Variants in NINJ2 observed in about 807,000 individuals in gnomAD.
NINJ2 encodes the protein ninjurin-2.
NINJ2 carries 12 observed loss-of-function variants against 11.7 expected under a neutral mutation model. The ratio of observed to expected loss-of-function variants is 1.02; its 90% CI spans 0.66 to 1.66. The LOEUF is 1.66. Among genes scored for constraint, NINJ2 ranks in the 40% most tolerant of loss-of-function variants. The probability of loss-of-function intolerance (pLI) is 0.00; values close to 1 mark genes in which losing one functional copy is unlikely to be tolerated. For synonymous variants in NINJ2, 93 were observed against 76.8 expected, an observed-to-expected ratio of 1.21 and a Z score of -1.10; for missense variants, 187 against 181.8, an observed-to-expected ratio of 1.03 and a Z score of -0.16.
chr12:657,223 G>A (rs960543435), intron 1 of NINJ2, among the ~76,000 whole-genome samples: 3 of 152,214 alleles, frequency 2.0e-5, no homozygotes, highest in Admixed American at 6.5e-5. Context: ...CAGACTGGGA[G>A]AAAATATCTG....
chr12:625,185 T>A (rs1280022992), intron 1 of NINJ2, among the ~76,000 whole-genome samples: 1 of 152,006 alleles, frequency 6.6e-6, no homozygotes, highest in Non-Finnish European at 1.5e-5. Context: ...CAAGTGATAT[T>A]TAAGCTGGAC....
In NINJ2 at chr12:633,462, T is replaced by G. The variant is rs926965185; in HGVS notation, c.33+29866A>C. Among the ~76,000 whole-genome samples the G allele has an allele frequency of 1.3e-5, 2 of 151,788 alleles. No individual in the cohort carries two copies. Among genetic ancestry groups the G allele is most frequent in the Admixed American group, 1.3e-4 (2 of 15,256 alleles). On this transcript the variant is annotated intron_variant, in intron 1 of 3. Coordinates refer to ENST00000305108, the MANE Select transcript of NINJ2 (RefSeq NM_016533.6). The surrounding 1 kb of genome is among the most constrained non-coding windows in gnomAD (Gnocchi z 4.3). Reference sequence around the variant, plus strand: ...CTGCAGTGAGCCGAGATGGTGCCACTGCATTCCAGCCTGGGCAACAGAAAG... The same window carrying G: ...CTGCAGTGAGCCGAGATGGTGCCACGGCATTCCAGCCTGGGCAACAGAAAG...
chr12:602,441 ATGC>A (rs1178318609), intron 1 of NINJ2, among the ~76,000 whole-genome samples: 1 of 152,242 alleles, frequency 6.6e-6, no homozygotes, highest in Non-Finnish European at 1.5e-5. Context: ...AAGTTCATTC[ATGC>A]TGTAGCATGT....
chr12:582,860 G>A (rs2535432), intron 1 of NINJ2, among the ~76,000 whole-genome samples: 7,530 of 21,172 alleles, frequency 0.36, 2,098 homozygotes, highest in African/African-American at 0.49. Flanking sequence ...CAGGCATGCT[G>A]GTGTGAATGA....
intron 1 of NINJ2, among the ~76,000 whole-genome samples, chr12:649,519 GTGTGTATA>G (rs1370104986): frequency 1.8e-5 from 1 of 54,614 alleles, no homozygotes; most frequent in African/African-American, 4.8e-5. Flanking sequence ...GAATATGTGT[GTGTGTATA>G]TGTGTATATA....
At chr12:613,132 G>A (rs1411636275) in intron 1 of NINJ2, among the ~76,000 whole-genome samples, 2 of 152,180 alleles carry the variant, frequency 1.3e-5, no homozygotes, top group African/African-American at 4.8e-5. Flanking sequence ...TGCCATCCCT[G>A]GCTGGCCCAA....
intron 1 of NINJ2, among the ~76,000 whole-genome samples, chr12:650,845 A>T (rs1425561174): frequency 6.6e-6 from 1 of 152,210 alleles, no homozygotes; most frequent in Non-Finnish European, 1.5e-5. Flanking sequence ...AAAGCTGAAG[A>T]AACGGAAAAA....
chr12:649,190 G>T (rs1297052764), intron 1 of NINJ2, among the ~76,000 whole-genome samples: 1 of 152,064 alleles, frequency 6.6e-6, no homozygotes, highest in African/African-American at 2.4e-5. Flanking sequence ...GGGATTACAG[G>T]CATGCGCCAC....
intron 1 of NINJ2, among the ~76,000 whole-genome samples, chr12:648,624 T>G (rs1473459211): frequency 2.0e-5 from 3 of 152,170 alleles, no homozygotes; most frequent in Admixed American, 6.5e-5. Flanking sequence ...GGACAAGGAA[T>G]AAAACATTTG....
At chr12:615,376 G>T (rs1948079614) in intron 1 of NINJ2, among the ~76,000 whole-genome samples, 1 of 152,088 alleles carries the variant, frequency 6.6e-6, no homozygotes, top group Non-Finnish European at 1.5e-5. Context: ...ATCACCTGAG[G>T]TCAGGAGTTC....
At chr12:574,977 A>G (rs975157228) in intron 1 of NINJ2, among the ~76,000 whole-genome samples, 2 of 152,228 alleles carry the variant, frequency 1.3e-5, no homozygotes, top group African/African-American at 2.4e-5. Flanking sequence ...ATATGAGATG[A>G]GAGGGAAATC....
At chr12:616,627 C>G (rs184593600) in intron 1 of NINJ2, among the ~76,000 whole-genome samples, 2 of 152,184 alleles carry the variant, frequency 1.3e-5, no homozygotes, top group African/African-American at 4.8e-5. Context: ...AAAGAGGCCA[C>G]GATGCCAAGA....
chr12:653,316 TCTTATA>T (rs1224178193), intron 1 of NINJ2, among the ~76,000 whole-genome samples: 1 of 152,214 alleles, frequency 6.6e-6, no homozygotes, highest in East Asian at 1.9e-4. Context: ...ATATTTTGTT[TCTTATA>T]CTTAATTGAT....
intron 1 of NINJ2, among the ~76,000 whole-genome samples, chr12:624,940 C>T (rs1948195820): frequency 6.6e-6 from 1 of 151,768 alleles, no homozygotes. Context: ...GAAACCCCGT[C>T]TTTACTAAAA....
At chr12:621,409 G>A (rs1948150405) in intron 1 of NINJ2, among the ~76,000 whole-genome samples, 1 of 150,932 alleles carries the variant, frequency 6.6e-6, no homozygotes, top group Non-Finnish European at 1.5e-5. Context: ...AGCTGTGATT[G>A]CACCACTGCA....
At chr12:616,116 A>T (rs1948088284) in intron 1 of NINJ2, among the ~76,000 whole-genome samples, 1 of 152,196 alleles carries the variant, frequency 6.6e-6, no homozygotes, top group South Asian at 2.1e-4. Flanking sequence ...TTCTGAGTAT[A>T]AAAAAACCAG....
At chr12:599,925 A>G (rs1947845423) in intron 1 of NINJ2, among the ~76,000 whole-genome samples, 3 of 152,096 alleles carry the variant, frequency 2.0e-5, no homozygotes, top group African/African-American at 7.2e-5. Flanking sequence ...TCTGATGCCA[A>G]GGTTTGAGCA....
chr12:600,769 C>T (rs566984272), intron 1 of NINJ2, among the ~76,000 whole-genome samples: 2 of 151,478 alleles, frequency 1.3e-5, no homozygotes, highest in South Asian at 4.2e-4. Context: ...GCAACCTTGA[C>T]CTCCCGAGCT....
At chr12:593,290 A>G (rs1017706683) in intron 1 of NINJ2, among the ~76,000 whole-genome samples, 2 of 152,232 alleles carry the variant, frequency 1.3e-5, no homozygotes, top group Admixed American at 1.3e-4. Context: ...CCTGCAATAC[A>G]TCAACATTTA....
Sources: gnomAD v4.1 joint callset for allele counts (sites outside exome capture counted in the v4.1 genomes callset) on GRCh38, gnomAD v4.1.1 for gene constraint, Gnocchi (gnomAD v3.1) non-coding constraint, MANE v1.5 for transcripts, NCBI Gene and HGNC (gene_info 2026-07-23, HGNC 2026-07-21) for gene names.